The following CPEB3 variants were observed in gnomAD, a reference collection of about 807,000 sequenced individuals.
CPEB3 encodes the protein cytoplasmic polyadenylation element binding protein 3.
In CPEB3, 20 loss-of-function variants were observed where a neutral mutation model predicts 67.2. The ratio of observed to expected loss-of-function variants is 0.30; its 90% CI spans 0.21 to 0.43. The LOEUF (loss-of-function observed/expected upper bound fraction) is 0.43. Ranked by LOEUF, CPEB3 falls within the 20% of genes least tolerant of loss-of-function variation. CPEB3 has a pLI of 1.00. For missense variants in CPEB3, 746 were observed against 968.6 expected (o/e 0.77, Z 3.05); for synonymous variants, 376 against 393.1 (o/e 0.96, Z 0.51).
chr10:92,190,665 C>CAAAAAAAAAAAAAAA (rs780757034), intron 3 of CPEB3, among the ~76,000 whole-genome samples: 4 of 78,396 alleles, frequency 5.1e-5, no homozygotes, highest in African/African-American at 1.6e-4. Flanking sequence ...AACTCCATCT[C>CAAAAAAAAAAAAAAA]AAAAAAAAAA....
chr10:92,242,323 T>C (rs550987131), intron 1 of CPEB3, among the ~76,000 whole-genome samples: 3 of 152,348 alleles, frequency 2.0e-5, no homozygotes, highest in East Asian at 3.9e-4. Flanking sequence ...ATAAAATCTA[T>C]TTAAGATTGC....
chr10:92,117,690 T>C (rs1196577535), intron 6 of CPEB3, among the ~76,000 whole-genome samples: 5 of 152,114 alleles, frequency 3.3e-5, no homozygotes, highest in East Asian at 1.9e-4. Flanking sequence ...AAAATGTTCT[T>C]GGCTACCTTT....
chr10:92,160,583 G>A lies in CPEB3; in HGVS notation c.1223-15498C>T, dbSNP rs531176208. 2.1e-3 allele frequency among the ~76,000 whole-genome samples: 312 copies of A among 152,168 alleles called. 1 individual carries two copies. The highest frequency in any genetic ancestry group is 3.4e-3 in the Non-Finnish European group (234 of 67,990). ...CAATGAAAAATCTTTATTGAGAAAG[G>A]AAATACTCCATATTTTAAAATTACT... On this transcript the variant is annotated intron_variant, in intron 4 of 9. Transcript: ENST00000265997.
chr10:92,050,682 C>CA lies in CPEB3; in HGVS notation c.*1529dup, dbSNP rs1366333761. 1.3e-5 allele frequency: 2 copies of CA among 152,490 alleles called. No individual in the cohort carries two copies. The highest frequency in any genetic ancestry group is 2.9e-5 in the Non-Finnish European group (2 of 68,042). The allele number at this position is 152,490 out of a possible 1,614,324, so 9.4% of individuals were successfully genotyped here. A position where few individuals can be genotyped will look rare whatever the true frequency, so the allele number is the denominator to read the frequency against. On this transcript the variant is annotated 3_prime_UTR_variant, in exon 10 of 10. Coordinates refer to ENST00000265997, the MANE Select transcript of CPEB3 (RefSeq NM_014912.5). ...GGAATTAAGTAGTTAGTTTCTCACT[C>CA]AGACAACCAACTCTGCCCAGGCCAT...
chr10:92,069,449 G>T lies in CPEB3; in HGVS notation c.1869+11871C>A, dbSNP rs568765621. Among the ~76,000 whole-genome samples, 3 of 152,270 alleles carry T rather than the reference G, an allele frequency of 2.0e-5. No individual in the cohort carries two copies. The South Asian group carries it at 6.2e-4, about 32-fold the overall frequency. On this transcript the variant is annotated intron_variant, in intron 9 of 9. Coordinates refer to ENST00000265997, the MANE Select transcript of CPEB3 (RefSeq NM_014912.5). ...GACAGGGTCTCACTCTGTCACGCAGGCTGGAGTGCAATGGTGTGATCTCGG... is the reference window on the plus strand; with the variant it reads ...GACAGGGTCTCACTCTGTCACGCAGTCTGGAGTGCAATGGTGTGATCTCGG...
intron 4 of CPEB3, among the ~76,000 whole-genome samples, chr10:92,145,462 C>G (rs1222554596): frequency 6.6e-6 from 1 of 152,070 alleles, no homozygotes; most frequent in Non-Finnish European, 1.5e-5. Flanking sequence ...AACCCCGTCT[C>G]TACTAAAAAT....
At chr10:92,159,363 C>T (rs10786029) in intron 4 of CPEB3, among the ~76,000 whole-genome samples, 127,048 of 152,168 alleles carry the variant, frequency 0.83, 53,920 homozygotes, top group African/African-American at 0.96. Flanking sequence ...CAGTGTATTA[C>T]ATTAAGCATT....
intron 6 of CPEB3, among the ~76,000 whole-genome samples, chr10:92,131,775 A>G (rs944070786): frequency 1.4e-4 from 21 of 152,200 alleles, no homozygotes; most frequent in African/African-American, 4.8e-5. Context: ...GCAGGAGTCA[A>G]CATACGTTTT....
At chr10:92,114,880 G>A (rs911622743) in intron 6 of CPEB3, among the ~76,000 whole-genome samples, 6 of 152,240 alleles carry the variant, frequency 3.9e-5, no homozygotes, top group Non-Finnish European at 8.8e-5. Context: ...AGGAAGTCAT[G>A]TGAGTATTGA....
chr10:92,285,074 C>A (rs1042370935), intron 1 of CPEB3, among the ~76,000 whole-genome samples: 1 of 152,160 alleles, frequency 6.6e-6, no homozygotes, highest in Non-Finnish European at 1.5e-5. Context: ...CAGAAGGAAT[C>A]ACATGGTGAA....
At chr10:92,160,421 C>T (rs934154160) in intron 4 of CPEB3, among the ~76,000 whole-genome samples, 1 of 152,054 alleles carries the variant, frequency 6.6e-6, no homozygotes, top group Non-Finnish European at 1.5e-5. Flanking sequence ...GATCCCTCCC[C>T]CAAATTTGCT....
At chr10:92,215,693 G>A (rs148767182) in intron 2 of CPEB3, among the ~76,000 whole-genome samples, 3,675 of 149,998 alleles carry the variant, frequency 0.025, 52 homozygotes, top group Non-Finnish European at 0.037. Flanking sequence ...TGTCTGCCTC[G>A]GTCTCCCAAA....
intron 2 of CPEB3, among the ~76,000 whole-genome samples, chr10:92,196,568 A>C (rs1590359637): frequency 6.6e-6 from 1 of 152,054 alleles, no homozygotes; most frequent in South Asian, 2.1e-4. Flanking sequence ...GGAGATCGAG[A>C]CCATCCTGGC....
At position 92,052,341 on chromosome 10, in the gene CPEB3, G is replaced by A. The variant is rs1311337766; in HGVS notation, c.1968C>T (p.Val656=). 1 of 1,614,120 alleles carries A rather than the reference G, an allele frequency of 6.2e-7. No individual in the cohort carries two copies. Among genetic ancestry groups the A allele is most frequent in the Non-Finnish European group, 8.5e-7 (1 of 1,180,054 alleles). ...GKFAPFFCAN[V]TCLQYYCEYC... is the part of the protein sequence containing the mutation. The stretch of plus-strand genomic sequence containing the variant: ...ATTCACAGTAATACTGCAGACAGGT[G>A]ACGTTGGCACAGAAGAACGGGGCAA... Residue 656 remains valine (V), a synonymous_variant, in exon 10 of 10, where the codon GTC becomes GTT. Transcript: ENST00000265997.
intron 2 of CPEB3, among the ~76,000 whole-genome samples, chr10:92,235,258 T>C (rs542305543): frequency 3.3e-5 from 5 of 152,236 alleles, no homozygotes; most frequent in Admixed American, 3.3e-4. Context: ...CCAGCCTGAC[T>C]AATAGGGCGA....
chr10:92,219,087 T>G (rs773610608), intron 2 of CPEB3, among the ~76,000 whole-genome samples: 2 of 152,204 alleles, frequency 1.3e-5, no homozygotes, highest in Non-Finnish European at 2.9e-5. Flanking sequence ...ATCATGAATA[T>G]TATGATCATG....
chr10:92,072,222 A>G (rs1462691177), intron 9 of CPEB3, among the ~76,000 whole-genome samples: 3 of 152,202 alleles, frequency 2.0e-5, no homozygotes, highest in African/African-American at 4.8e-5. Flanking sequence ...AAGTCTTTAC[A>G]TGCATGTCTT....
chr10:92,165,103 C>A (rs1337912558), intron 4 of CPEB3, among the ~76,000 whole-genome samples: 1 of 151,996 alleles, frequency 6.6e-6, no homozygotes, highest in Non-Finnish European at 1.5e-5. Context: ...CTATTAAGTG[C>A]ACAGTAGCAT....
chr10:92,078,366 C>T (rs1843013009), intron 9 of CPEB3, among the ~76,000 whole-genome samples: 1 of 152,126 alleles, frequency 6.6e-6, no homozygotes, highest in Non-Finnish European at 1.5e-5. Flanking sequence ...AAGATGAATA[C>T]TTGCTGGTTA....
Sources: allele counts gnomAD v4.1 joint callset (sites outside exome capture counted in the v4.1 genomes callset), GRCh38; gene constraint gnomAD v4.1.1; transcripts MANE v1.5; gene names NCBI Gene and HGNC (gene_info 2026-07-23, HGNC 2026-07-21).